Variants in WDR43 observed in about 807,000 individuals in gnomAD.
The protein encoded by WDR43 is WD repeat domain 43, also known as WD repeat-containing protein 43.
In WDR43, 13 loss-of-function variants were observed where a neutral mutation model predicts 91.4. The observed-to-expected ratio is 0.14, with a 90% CI of 0.09 to 0.23. The LOEUF is 0.23. WDR43 is among the 10% of genes least tolerant of loss of function. The pLI is 1.00. For synonymous variants in WDR43, 331 were observed against 287.9 expected, an observed-to-expected ratio of 1.15 and a Z score of -1.51; for missense variants, 780 against 809.4, an observed-to-expected ratio of 0.96 and a Z score of 0.44.
intron 1 of WDR43, among the ~76,000 whole-genome samples, chr2:28,896,464 G>A (rs13410816): frequency 0.024 from 3,667 of 152,210 alleles, 168 homozygotes; most frequent in African/African-American, 0.085. Context: ...ATATTTGTGT[G>A]GTTAGTCCTG....
rs767757415 is a variant in WDR43 at position 28,925,003 on chromosome 2, T to C, written c.936T>C (p.Thr312=). The part of the protein sequence containing the change: ...ILNGYCKKPL[T]SNCTIQIATP... Reference sequence around the variant, plus strand: ...CCAGGTACTGCAAAAAGCCTTTGACTTCAAACTGCACAATTCAGATAGCAA... The same window carrying C: ...CCAGGTACTGCAAAAAGCCTTTGACCTCAAACTGCACAATTCAGATAGCAA... Residue 312 remains threonine (T), a synonymous_variant, in exon 8 of 18, where the codon ACT becomes ACC. Transcript: ENST00000407426. 2 of 1,612,160 alleles carry C rather than the reference T, an allele frequency of 1.2e-6. No individual in the cohort carries two copies. The highest frequency in any genetic ancestry group is 1.1e-5 in the South Asian group (1 of 90,618).
chr2:28,907,608 G>C (rs1246033317), intron 3 of WDR43, among the ~76,000 whole-genome samples: 1 of 149,798 alleles, frequency 6.7e-6, no homozygotes, highest in Non-Finnish European at 1.5e-5. Flanking sequence ...GCAAGACGCT[G>C]TCTCAAAAAA....
intron 3 of WDR43, among the ~76,000 whole-genome samples, chr2:28,910,734 C>A (rs12620306): frequency 6.7e-6 from 1 of 149,836 alleles, no homozygotes; most frequent in African/African-American, 2.4e-5. Flanking sequence ...GGTCTCACTC[C>A]GTCACCCAGG....
chr2:28,922,812 T>C, intron 6 of WDR43, 107 bp from the exon 7 acceptor site: 1 of 471,702 alleles, frequency 2.1e-6, no homozygotes, highest in Non-Finnish European at 3.4e-6. Flanking sequence ...TTTTTTTTTT[T>C]TTCTGGTTGT....
chr2:28,900,991 G>A (rs915801263), intron 1 of WDR43, among the ~76,000 whole-genome samples: 1 of 152,150 alleles, frequency 6.6e-6, no homozygotes, highest in Non-Finnish European at 1.5e-5. Flanking sequence ...GTAACGTTGT[G>A]GTTGTCATTG....
In WDR43 at chr2:28,946,485, G is replaced by A. The variant is rs758960161; in HGVS notation, c.1840G>A (p.Asp614Asn). ...AGAGGAGTCTGATGATGAAATAGCA[G>A]ATAAGGATTCTGAAGTGAGTGATTT... is the stretch of plus-strand genomic sequence containing the variant. ...SEEESDDEIA[D>N]KDSEDNWDED... is the part of the protein sequence containing the mutation. The change falls in exon 17 of 18, where the codon GAT becomes AAT. Residue 614 changes from aspartate (D) to asparagine (N), a missense_variant. Transcript: ENST00000407426. 5.0e-6 allele frequency: 8 copies of A among 1,612,128 alleles called. No individual in the cohort carries two copies. The highest frequency in any genetic ancestry group is 5.9e-6 in the Non-Finnish European group (7 of 1,179,104).
chr2:28,897,267 T>C (rs997020302), intron 1 of WDR43, among the ~76,000 whole-genome samples: 3 of 152,170 alleles, frequency 2.0e-5, no homozygotes, highest in African/African-American at 7.2e-5. Context: ...TAAAAAGTCA[T>C]ATGTACTGTA....
At chr2:28,900,193 T>C (rs1455581156) in intron 1 of WDR43, among the ~76,000 whole-genome samples, 1 of 152,142 alleles carries the variant, frequency 6.6e-6, no homozygotes, top group Non-Finnish European at 1.5e-5. Flanking sequence ...GGAATCTTTT[T>C]TTCGTTTTGT....
At chr2:28,914,907 G>A (rs4666137) in intron 5 of WDR43, among the ~76,000 whole-genome samples, 40,359 of 151,936 alleles carry the variant, frequency 0.27, 6,536 homozygotes, top group East Asian at 0.78. Context: ...CTAGCCTGGC[G>A]ACAGAGCGAA....
chr2:28,917,356 T>A (rs1670931049), intron 5 of WDR43, among the ~76,000 whole-genome samples: 1 of 152,182 alleles, frequency 6.6e-6, no homozygotes. Context: ...TATATATAGG[T>A]CTGTTTCTGT....
At chr2:28,900,515 C>T (rs559731780) in intron 1 of WDR43, among the ~76,000 whole-genome samples, 13 of 152,294 alleles carry the variant, frequency 8.5e-5, no homozygotes, top group Non-Finnish European at 1.8e-4. Context: ...TGAATCTTTT[C>T]CTGCTGAGAT....
intron 3 of WDR43, among the ~76,000 whole-genome samples, chr2:28,911,438 C>T (rs1254155295): frequency 1.3e-5 from 2 of 151,776 alleles, no homozygotes; most frequent in Non-Finnish European, 1.5e-5. Flanking sequence ...GGACTATAGG[C>T]GTCCTCCATC....
intron 16 of WDR43, among the ~76,000 whole-genome samples, chr2:28,943,222 C>CA (rs1671481855): frequency 6.6e-6 from 1 of 151,968 alleles, no homozygotes; most frequent in Admixed American, 6.6e-5. Flanking sequence ...ACTGCAGCCT[C>CA]AAACTCTTAC....
At chr2:28,915,289 G>A (rs1169420070) in intron 5 of WDR43, among the ~76,000 whole-genome samples, 1 of 152,136 alleles carries the variant, frequency 6.6e-6, no homozygotes, top group Non-Finnish European at 1.5e-5. Context: ...TTTGTTTCGT[G>A]TTTGATTTTT....
chr2:28,896,407 G>A (rs534606290), intron 1 of WDR43, among the ~76,000 whole-genome samples: 13 of 152,314 alleles, frequency 8.5e-5, no homozygotes, highest in Middle Eastern at 3.4e-3. Context: ...ACTTAGAATA[G>A]TTCTTGACAG....
chr2:28,944,776 G>A lies in WDR43; in HGVS notation c.1805-1674G>A, dbSNP rs540502677. 1.5e-4 allele frequency among the ~76,000 whole-genome samples: 23 copies of A among 152,360 alleles called. No individual in the cohort carries two copies. The South Asian group carries it at 3.5e-3, about 23-fold the overall frequency. On this transcript the variant is annotated intron_variant, in intron 16 of 17. Coordinates refer to ENST00000407426, the MANE Select transcript of WDR43 (RefSeq NM_015131.3). ...TCCGCGATACTGCAACATTCGATTT[G>A]ATAACTGAGGTGGCTACTAAACGAC...
In WDR43 at chr2:28,926,602, G is replaced by A. The variant is rs756824247; in HGVS notation, c.1173+48G>A. The A allele has an allele frequency of 2.0e-5, 29 of 1,452,488 alleles. No individual in the cohort carries two copies. The Admixed American group carries it at 2.1e-4, about 10-fold the overall frequency. 90.0% of individuals were successfully genotyped at this position (1,452,488 alleles called of 1,614,324 possible). A position where few individuals can be genotyped will look rare whatever the true frequency, so the allele number is the denominator to read the frequency against. ...GTTTTAAGAAAAAGAATATTTCTTTGGGTGAATGGAACTGTTACTTAGTAT... is the reference window on the plus strand; with the variant it reads ...GTTTTAAGAAAAAGAATATTTCTTTAGGTGAATGGAACTGTTACTTAGTAT... On this transcript the variant is annotated intron_variant, in intron 9 of 17. Coordinates refer to ENST00000407426, the MANE Select transcript of WDR43 (RefSeq NM_015131.3).
Position 28,946,457 on chromosome 2 carries a change from T to C in WDR43, c.1812T>C (p.Ser604=), listed in dbSNP as rs747982403. The C allele has an allele frequency of 1.2e-6, 2 of 1,611,430 alleles. No individual in the cohort carries two copies. The highest frequency in any genetic ancestry group is 2.7e-5 in the African/African-American group (2 of 74,900). ...TTCTTTCTCCCCTTACAGAGTCTTC[T>C]GAAGAGGAGTCTGATGATGAAATAG... ...KAKLVYEEES[S]EEESDDEIAD... is the part of the protein sequence containing the mutation. The change falls in exon 17 of 18, where the codon TCT becomes TCC. Residue 604 remains serine, a synonymous_variant. Transcript: ENST00000407426.
At chr2:28,907,020 G>A (rs1457332047) in intron 3 of WDR43, among the ~76,000 whole-genome samples, 1 of 152,198 alleles carries the variant, frequency 6.6e-6, no homozygotes, top group African/African-American at 2.4e-5. Flanking sequence ...AACTAATTCA[G>A]AGGAGGGACA....
Sources: allele counts gnomAD v4.1 joint callset (sites outside exome capture counted in the v4.1 genomes callset), GRCh38; gene constraint gnomAD v4.1.1; transcripts MANE v1.5; gene names NCBI Gene and HGNC (gene_info 2026-07-23, HGNC 2026-07-21).